The following RPS6KA5 variants were observed in gnomAD, a reference collection of about 807,000 sequenced individuals.
RPS6KA5 encodes the protein ribosomal protein S6 kinase alpha-5.
RPS6KA5 carries 27 observed loss-of-function variants against 85.5 expected under a neutral mutation model. The ratio of observed to expected loss-of-function variants is 0.32; its 90% CI spans 0.23 to 0.44. RPS6KA5 has a LOEUF of 0.44. Ranked by LOEUF, RPS6KA5 falls within the 20% of genes least tolerant of loss-of-function variation. The pLI, the probability that RPS6KA5 is intolerant of heterozygous loss-of-function variation, is 1.00. For missense variants in RPS6KA5, 811 were observed against 980.9 expected (o/e 0.83, Z 2.31); for synonymous variants, 334 against 348.2 (o/e 0.96, Z 0.46).
chr14:90,944,733 C>T lies in RPS6KA5; in HGVS notation c.511-1548G>A, dbSNP rs539132091. On this transcript the variant is annotated intron_variant, in intron 4 of 16. Transcript: ENST00000614987. ...TCGTGCCACTGCACTCCAGCCTGGGCAACAAGAGCAAAACTCCATCTCAAA... is the reference window on the plus strand; with the variant it reads ...TCGTGCCACTGCACTCCAGCCTGGGTAACAAGAGCAAAACTCCATCTCAAA... Among the ~76,000 whole-genome samples, 7 of 148,254 alleles carry T rather than the reference C, an allele frequency of 4.7e-5. No individual in the cohort carries two copies. In the South Asian group the frequency reaches 1.1e-3, roughly 23 times the overall value.
At chr14:90,896,820 A>G (rs1460711461) in intron 12 of RPS6KA5, among the ~76,000 whole-genome samples, 1 of 152,038 alleles carries the variant, frequency 6.6e-6, no homozygotes, top group Non-Finnish European at 1.5e-5. Context: ...TCCCAAGTTC[A>G]ACGGATTATC....
chr14:90,909,673 A>G (rs1317676698), intron 7 of RPS6KA5, among the ~76,000 whole-genome samples: 1 of 152,244 alleles, frequency 6.6e-6, no homozygotes, highest in Non-Finnish European at 1.5e-5. Context: ...CACATATTAC[A>G]ATGTATCATG....
At chr14:90,978,594 A>G in intron 2 of RPS6KA5, 70 bp from the exon 3 acceptor site, 4 of 1,158,332 alleles carry the variant, frequency 3.5e-6, no homozygotes, top group Non-Finnish European at 4.8e-6. Context: ...TAGTGCAACT[A>G]AATTTATTTA....
At chr14:90,890,709 T>C (rs766996018) in intron 13 of RPS6KA5, 31 bp from the exon 14 acceptor site, 1 of 1,566,778 alleles carries the variant, frequency 6.4e-7, no homozygotes, top group East Asian at 2.2e-5. Context: ...CATTAGTTTC[T>C]CACTAGGCAT....
intron 2 of RPS6KA5, among the ~76,000 whole-genome samples, chr14:90,989,363 GCAC>G (rs1566832916): frequency 6.6e-6 from 1 of 152,170 alleles, no homozygotes; most frequent in African/African-American, 2.4e-5. Flanking sequence ...CCGTGTGAAA[GCAC>G]CAAAACCAGA....
chr14:91,053,481 G>T (rs1328674605), intron 1 of RPS6KA5, among the ~76,000 whole-genome samples: 3 of 152,072 alleles, frequency 2.0e-5, no homozygotes, highest in Non-Finnish European at 4.4e-5. Context: ...TAAACTATTA[G>T]AACCAATAAA....
chr14:91,038,917 A>G (rs2139877570), intron 1 of RPS6KA5, among the ~76,000 whole-genome samples: 1 of 152,324 alleles, frequency 6.6e-6, no homozygotes, highest in African/African-American at 2.4e-5. Context: ...TTTTTGGCAT[A>G]ATCTGTCCTA....
intron 3 of RPS6KA5, among the ~76,000 whole-genome samples, chr14:90,974,853 A>C (rs2039493130): frequency 6.6e-6 from 1 of 152,232 alleles, no homozygotes; most frequent in Admixed American, 6.5e-5. Flanking sequence ...ATCATTGTTT[A>C]AGCTATGAAA....
rs964209160 is a variant in RPS6KA5 at position 91,060,532 on chromosome 14, C to T, written c.-98G>A. ...CAGCCGCTGCCGCGGCCCCAGGAGT[C>T]GGGGTGCGGCGGCTCCAGAACTCGG... On this transcript the variant is annotated 5_prime_UTR_variant, in exon 1 of 17. Coordinates refer to ENST00000614987, the MANE Select transcript of RPS6KA5 (RefSeq NM_004755.4). The T allele has an allele frequency of 1.1e-5, 13 of 1,221,792 alleles. No individual in the cohort carries two copies. The Admixed American group carries it at 4.8e-4, about 45-fold the overall frequency. 75.7% of individuals were successfully genotyped at this position (1,221,792 alleles called of 1,614,324 possible).
rs535646164 is a variant in RPS6KA5 at position 90,870,839 on chromosome 14, G to T, written c.*1235C>A. On this transcript the variant is annotated 3_prime_UTR_variant, in exon 17 of 17. Coordinates refer to ENST00000614987, the MANE Select transcript of RPS6KA5 (RefSeq NM_004755.4). ...TTTTTTTTTTTTTTGCATAGGGAAC[G>T]AATTAATTGTATTTTTAAATGCAGC... 3.4e-5 allele frequency: 4 copies of T among 117,872 alleles called. No homozygotes were observed. The highest frequency in any genetic ancestry group is 1.4e-4 in the African/African-American group (4 of 29,150). The allele number at this position is 117,872 out of a possible 1,614,324, so 7.3% of individuals were successfully genotyped here. A position where few individuals can be genotyped will look rare whatever the true frequency, so the allele number is the denominator to read the frequency against.
At chr14:90,907,917 G>A (rs892755420) in intron 7 of RPS6KA5, among the ~76,000 whole-genome samples, 1 of 152,004 alleles carries the variant, frequency 6.6e-6, no homozygotes, top group Non-Finnish European at 1.5e-5. Context: ...ACTTTTTGCA[G>A]GAAAAAAGCT....
chr14:90,929,381 C>T (rs2036852290), intron 5 of RPS6KA5, among the ~76,000 whole-genome samples: 1 of 151,992 alleles, frequency 6.6e-6, no homozygotes, highest in Admixed American at 6.6e-5. Context: ...GTCATCTATA[C>T]AAAAATCCAA....
At chr14:91,041,125 G>C (rs1386809480) in intron 1 of RPS6KA5, among the ~76,000 whole-genome samples, 1 of 152,114 alleles carries the variant, frequency 6.6e-6, no homozygotes, top group African/African-American at 2.4e-5. Flanking sequence ...CTGAGGATCA[G>C]GAAAAGGGGA....
At chr14:90,953,054 C>T (rs904985955) in intron 3 of RPS6KA5, among the ~76,000 whole-genome samples, 3 of 152,148 alleles carry the variant, frequency 2.0e-5, no homozygotes, top group African/African-American at 7.2e-5. Context: ...AGAAAACGAA[C>T]AAGCCTTCAG....
chr14:90,983,165 T>C (rs2039874288), intron 2 of RPS6KA5, among the ~76,000 whole-genome samples: 1 of 147,486 alleles, frequency 6.8e-6, no homozygotes, highest in African/African-American at 2.5e-5. Flanking sequence ...GAATCCCAGC[T>C]ACACAGGAGG....
chr14:90,951,153 T>G (rs1595309340), intron 3 of RPS6KA5, among the ~76,000 whole-genome samples: 2 of 131,282 alleles, frequency 1.5e-5, no homozygotes, highest in African/African-American at 5.8e-5. Flanking sequence ...GAGAGAGAGA[T>G]AATGGTCTGT....
chr14:90,895,651 C>T (rs1161002598), intron 12 of RPS6KA5, among the ~76,000 whole-genome samples: 1 of 151,772 alleles, frequency 6.6e-6, no homozygotes, highest in Non-Finnish European at 1.5e-5. Context: ...ATTTAGAGGC[C>T]AGGGTGAGAG....
intron 1 of RPS6KA5, among the ~76,000 whole-genome samples, chr14:91,040,031 G>A (rs959212517): frequency 4.6e-5 from 7 of 152,206 alleles, no homozygotes; most frequent in African/African-American, 9.7e-5. Context: ...TAAGTTGGTG[G>A]GTGGGGAGAA....
At chr14:90,935,710 C>G (rs1159578910) in intron 5 of RPS6KA5, among the ~76,000 whole-genome samples, 2 of 152,116 alleles carry the variant, frequency 1.3e-5, no homozygotes, top group Non-Finnish European at 2.9e-5. Context: ...AGGCTTTTCC[C>G]TTTAAGTACA....
Sources: gnomAD v4.1 joint callset for allele counts (sites outside exome capture counted in the v4.1 genomes callset) on GRCh38, gnomAD v4.1.1 for gene constraint, MANE v1.5 for transcripts, NCBI Gene and HGNC (gene_info 2026-07-23, HGNC 2026-07-21) for gene names.